The following SCP2 variants were observed in gnomAD, a reference collection of about 807,000 sequenced individuals.
SCP2 encodes the protein SCP-2/3-oxoacyl-CoA thiolase.
In SCP2, 48 loss-of-function variants were observed where a neutral mutation model predicts 71.4. The ratio of observed to expected loss-of-function variants is 0.67; its 90% CI spans 0.53 to 0.86. SCP2 has a LOEUF of 0.86. Ranked by LOEUF, SCP2 falls within the 40% of genes least tolerant of loss-of-function variation. SCP2 has a pLI of 0.00. For synonymous variants in SCP2, 220 were observed against 218.1 expected (o/e 1.01, Z -0.08); for missense variants, 560 against 655.6 (o/e 0.85, Z 1.59).
intron 11 of SCP2, among the ~76,000 whole-genome samples, chr1:52,991,811 T>C (rs1320788496): frequency 6.6e-6 from 1 of 152,152 alleles, no homozygotes; most frequent in African/African-American, 2.4e-5. Context: ...TTAATTCTAG[T>C]ACCTGAAGCT....
At chr1:53,002,572 G>A (rs1426830748) in intron 11 of SCP2, among the ~76,000 whole-genome samples, 1 of 152,232 alleles carries the variant, frequency 6.6e-6, no homozygotes, top group African/African-American at 2.4e-5. Flanking sequence ...ATGTTGTAAG[G>A]AGAATTTTGC....
intron 12 of SCP2, 145 bp from the exon 13 acceptor site, chr1:53,027,824 T>C (rs1662244595): frequency 3.3e-6 from 2 of 605,692 alleles, no homozygotes; most frequent in African/African-American, 1.9e-5. Flanking sequence ...TTATTTTATA[T>C]GCTTACTAAA....
At chr1:52,993,597 G>A in intron 11 of SCP2, 1 of 1,606,888 alleles carries the variant, frequency 6.2e-7, no homozygotes, top group Admixed American at 1.7e-5. Flanking sequence ...AGCTCTTCTT[G>A]TCCTGCTGTA....
At chr1:52,943,973 A>C (rs1654529090) in intron 2 of SCP2, 1 of 269,714 alleles carries the variant, frequency 3.7e-6, no homozygotes, top group Non-Finnish European at 7.6e-6. Flanking sequence ...TTTGGGTGGA[A>C]CTCTGCCAGC....
At chr1:52,951,684 C>T (rs894627763) in intron 4 of SCP2, among the ~76,000 whole-genome samples, 8 of 151,066 alleles carry the variant, frequency 5.3e-5, no homozygotes, top group Admixed American at 3.3e-4. Flanking sequence ...TGTATATTCA[C>T]AGAATTGTAT....
chr1:52,960,626 GTA>G (rs1656317888), intron 5 of SCP2, among the ~76,000 whole-genome samples: 1 of 146,880 alleles, frequency 6.8e-6, no homozygotes, highest in East Asian at 2.0e-4. Context: ...ATATATGTAT[GTA>G]TATATGTGTA....
At chr1:52,984,536 C>CTTT (rs748861852) in intron 10 of SCP2, among the ~76,000 whole-genome samples, 1 of 143,844 alleles carries the variant, frequency 7.0e-6, no homozygotes, top group African/African-American at 2.5e-5. Context: ...TGATTACTTT[C>CTTT]TTTTTTTTTT....
chr1:52,939,773 G>C (rs1654051198), intron 1 of SCP2, among the ~76,000 whole-genome samples: 1 of 152,038 alleles, frequency 6.6e-6, no homozygotes, highest in Non-Finnish European at 1.5e-5. Flanking sequence ...CTGCCTCCTG[G>C]GTTTTCCTGT....
At chr1:53,048,059 A>G (rs146748004) in intron 15 of SCP2, 122 bp downstream of exon 15, 3 of 732,374 alleles carry the variant, frequency 4.1e-6, no homozygotes, top group Admixed American at 3.8e-5. Context: ...TGTTCCCCAA[A>G]CAGTTGACAG....
chr1:53,004,537 T>G (rs1458620652), intron 11 of SCP2, among the ~76,000 whole-genome samples: 1 of 152,170 alleles, frequency 6.6e-6, no homozygotes, highest in Non-Finnish European at 1.5e-5. Flanking sequence ...CCTGCCCCAC[T>G]CTAACTGATC....
intron 11 of SCP2, among the ~76,000 whole-genome samples, chr1:52,989,472 C>T (rs1659280451): frequency 6.6e-6 from 1 of 152,206 alleles, no homozygotes; most frequent in Non-Finnish European, 1.5e-5. Context: ...TCTGCAGCTC[C>T]ACTGTAGCCT....
intron 13 of SCP2, among the ~76,000 whole-genome samples, chr1:53,032,782 A>G (rs1572215021): frequency 1.3e-5 from 2 of 152,230 alleles, no homozygotes; most frequent in African/African-American, 4.8e-5. Flanking sequence ...AGTATAGAGG[A>G]GAAGCATTCT....
At chr1:52,963,555 C>G (rs529905327) in intron 6 of SCP2, 3 of 152,178 alleles carry the variant, frequency 2.0e-5, no homozygotes, top group Non-Finnish European at 2.9e-5. Context: ...AGTTTTTGAC[C>G]AGGATGATAG....
chr1:53,025,622 G>C (rs951007238), intron 12 of SCP2, among the ~76,000 whole-genome samples: 3 of 151,962 alleles, frequency 2.0e-5, no homozygotes, highest in African/African-American at 7.3e-5. Flanking sequence ...CACCCCCACA[G>C]CAAGGCTTGT....
intron 4 of SCP2, among the ~76,000 whole-genome samples, chr1:52,951,555 T>TA (rs563183018): frequency 0.069 from 4,989 of 71,966 alleles, 335 homozygotes; most frequent in African/African-American, 0.17. Context: ...AGACTGTCTC[T>TA]AAAAAAAAAA....
At chr1:52,992,502 G>A (rs1277057268) in intron 11 of SCP2, among the ~76,000 whole-genome samples, 1 of 152,162 alleles carries the variant, frequency 6.6e-6, no homozygotes, top group African/African-American at 2.4e-5. Flanking sequence ...GTGAAAAAGA[G>A]TTAAATTAAA....
At chr1:52,993,853 A>G (rs1659728657) in intron 11 of SCP2, 1 of 1,493,126 alleles carries the variant, frequency 6.7e-7, no homozygotes, top group Admixed American at 2.1e-5. Context: ...ATACAACATT[A>G]GTAATCATAT....
At position 52,978,122 on chromosome 1, in the gene SCP2, A is replaced by G. The variant is rs72899334; in HGVS notation, c.675-95A>G. 8,216 of 1,121,590 alleles carry G rather than the reference A, an allele frequency of 7.3e-3. 412 individuals are homozygous for G. The African/African-American group carries it at 0.11, about 15-fold the overall frequency. 69.5% of individuals were successfully genotyped at this position (1,121,590 alleles called of 1,614,324 possible). ...AGACAATCCACTGACCAGCAAGCAT[A>G]TTTGGCCTTTCCTTTCACATAGAAG... is the stretch of plus-strand genomic sequence containing the variant. On this transcript the variant is annotated intron_variant, in intron 8 of 15. Transcript: ENST00000371514.
intron 5 of SCP2, among the ~76,000 whole-genome samples, chr1:52,956,027 T>C (rs1380435300): frequency 6.6e-6 from 1 of 151,368 alleles, no homozygotes; most frequent in Non-Finnish European, 1.5e-5. Flanking sequence ...TAAATAAAAT[T>C]AAAAATTCAC....
Sources: allele counts gnomAD v4.1 joint callset (sites outside exome capture counted in the v4.1 genomes callset), GRCh38; gene constraint gnomAD v4.1.1; transcripts MANE v1.5; gene names NCBI Gene and HGNC (gene_info 2026-07-23, HGNC 2026-07-21).